The following PPM1E variants were observed in gnomAD, a reference collection of about 807,000 sequenced individuals.
The protein encoded by PPM1E is protein phosphatase 1E.
A neutral mutation model predicts 65.9 loss-of-function variants in PPM1E; 20 were observed. The observed-to-expected ratio is 0.30, with a 90% CI of 0.21 to 0.44. The LOEUF is 0.44. PPM1E is among the 20% of genes least tolerant of loss of function. The probability of loss-of-function intolerance (pLI) is 1.00; values close to 1 mark genes in which losing one functional copy is unlikely to be tolerated. For synonymous variants in PPM1E, 352 were observed against 374.9 expected (o/e 0.94, Z 0.70); for missense variants, 713 against 953.1 (o/e 0.75, Z 3.32).
At chr17:58,875,775 A>G (rs2051120681) in intron 1 of PPM1E, among the ~76,000 whole-genome samples, 1 of 152,182 alleles carries the variant, frequency 6.6e-6, no homozygotes, top group Non-Finnish European at 1.5e-5. Context: ...AGTTCTAATC[A>G]TTACTAACAC....
intron 1 of PPM1E, among the ~76,000 whole-genome samples, chr17:58,808,721 A>T (rs1030781204): frequency 6.6e-6 from 1 of 152,214 alleles, no homozygotes; most frequent in Non-Finnish European, 1.5e-5. Flanking sequence ...GAGTTGTGCA[A>T]TGATCACTAC....
chr17:58,793,194 C>T (rs896249227), intron 1 of PPM1E, among the ~76,000 whole-genome samples: 17 of 151,812 alleles, frequency 1.1e-4, no homozygotes, highest in Non-Finnish European at 1.5e-4. Flanking sequence ...ATCTTTTAAC[C>T]TTGAATCTTT....
chr17:58,784,611 GC>G (rs1283936641), intron 1 of PPM1E, among the ~76,000 whole-genome samples: 3 of 149,314 alleles, frequency 2.0e-5, no homozygotes, highest in Admixed American at 6.7e-5. Context: ...TGCAGTCTCC[GC>G]CTCCCGGGTT....
chr17:58,911,130 G>A (rs2051623128), intron 1 of PPM1E, among the ~76,000 whole-genome samples: 1 of 152,166 alleles, frequency 6.6e-6, no homozygotes, highest in Non-Finnish European at 1.5e-5. Context: ...TTCCTATGGA[G>A]GTGTCTGATG....
At chr17:58,945,765 A>G (rs987130985) in intron 1 of PPM1E, among the ~76,000 whole-genome samples, 1 of 152,206 alleles carries the variant, frequency 6.6e-6, no homozygotes, top group East Asian at 1.9e-4. Context: ...GGTTTGTGAA[A>G]GGATATTATA....
chr17:58,809,097 A>G (rs1226683949), intron 1 of PPM1E, among the ~76,000 whole-genome samples: 1 of 149,836 alleles, frequency 6.7e-6, no homozygotes, highest in Non-Finnish European at 1.5e-5. Context: ...AAGATTAACA[A>G]TTTTTTTTTT....
intron 1 of PPM1E, among the ~76,000 whole-genome samples, chr17:58,767,085 C>T (rs953438693): frequency 6.6e-6 from 1 of 152,128 alleles, no homozygotes; most frequent in African/African-American, 2.4e-5. Flanking sequence ...TAAGAGTTAA[C>T]AGTGTAAACT....
intron 1 of PPM1E, among the ~76,000 whole-genome samples, chr17:58,795,098 G>A (rs1201625721): frequency 6.6e-6 from 1 of 151,862 alleles, no homozygotes; most frequent in Non-Finnish European, 1.5e-5. Context: ...CACCGTGTTG[G>A]TCAGGCTGGT....
intron 1 of PPM1E, among the ~76,000 whole-genome samples, chr17:58,805,990 C>A (rs200977160): frequency 0.23 from 15,016 of 66,626 alleles, 971 homozygotes; most frequent in Non-Finnish European, 0.26. Flanking sequence ...AAAAACAAAA[C>A]AAAACAAAAC....
intron 1 of PPM1E, among the ~76,000 whole-genome samples, chr17:58,802,362 G>A (rs1438344314): frequency 6.6e-6 from 1 of 152,020 alleles, no homozygotes; most frequent in African/African-American, 2.4e-5. Flanking sequence ...GTTTCTTTCT[G>A]GGCTTTCTAT....
chr17:58,859,578 CCA>C (rs1415599663), intron 1 of PPM1E, among the ~76,000 whole-genome samples: 4 of 152,098 alleles, frequency 2.6e-5, no homozygotes, highest in African/African-American at 9.7e-5. Flanking sequence ...AGAGTATAGG[CCA>C]CATTTAGAGG....
intron 1 of PPM1E, among the ~76,000 whole-genome samples, chr17:58,799,405 C>T (rs1032261013): frequency 1.3e-5 from 2 of 151,360 alleles, no homozygotes; most frequent in Admixed American, 6.6e-5. Flanking sequence ...TCGGTCCCCC[C>T]TGAGCAGCTG....
intron 1 of PPM1E, among the ~76,000 whole-genome samples, chr17:58,809,410 TGA>T (rs1198708308): frequency 1.3e-5 from 2 of 152,036 alleles, no homozygotes; most frequent in Non-Finnish European, 1.5e-5. Context: ...ATTTTTTTTT[TGA>T]GATAGGGTCT....
intron 1 of PPM1E, among the ~76,000 whole-genome samples, chr17:58,813,912 A>C (rs1237018540): frequency 6.6e-6 from 1 of 152,188 alleles, no homozygotes; most frequent in Non-Finnish European, 1.5e-5. Flanking sequence ...AGTCCAACTC[A>C]GTGGGTGTTT....
rs1228086316 is a variant in PPM1E, at chr17:58,985,131, G to A, written c.*4100G>A. 6.6e-6 allele frequency: 1 copy of A among 152,624 alleles called. No individual in the cohort carries two copies. The highest frequency in any genetic ancestry group is 1.9e-4 in the East Asian group (1 of 5,194). 9.5% of individuals were successfully genotyped at this position (152,624 alleles called of 1,614,324 possible). ...AAGTGTTCATTCAGGTAAGGTGTATGTTGAAATTTTGCCAATTATCTTAAT... is the reference window on the plus strand; with the variant it reads ...AAGTGTTCATTCAGGTAAGGTGTATATTGAAATTTTGCCAATTATCTTAAT... On this transcript the variant is annotated 3_prime_UTR_variant, in exon 7 of 7. Transcript: ENST00000308249.
intron 1 of PPM1E, among the ~76,000 whole-genome samples, chr17:58,906,589 C>T (rs997611006): frequency 1.3e-5 from 2 of 152,188 alleles, no homozygotes; most frequent in African/African-American, 4.8e-5. Flanking sequence ...CTGTCCACCT[C>T]AGCCTCTCAA....
chr17:58,923,319 A>T (rs895958048), intron 1 of PPM1E, among the ~76,000 whole-genome samples: 14 of 150,488 alleles, frequency 9.3e-5, no homozygotes, highest in African/African-American at 3.4e-4. Context: ...AAGAAAAGAA[A>T]ATATTAGGTG....
chr17:58,934,323 A>C (rs995767956), intron 1 of PPM1E, among the ~76,000 whole-genome samples: 1 of 152,188 alleles, frequency 6.6e-6, no homozygotes, highest in Non-Finnish European at 1.5e-5. Context: ...AGTTATGTAA[A>C]GCTATTTACT....
intron 1 of PPM1E, among the ~76,000 whole-genome samples, chr17:58,879,950 A>T (rs762696588): frequency 5.9e-5 from 9 of 152,216 alleles, no homozygotes; most frequent in Non-Finnish European, 1.2e-4. Context: ...GACATAAGAC[A>T]TTAACAGGAG....
Sources: allele counts gnomAD v4.1 joint callset (sites outside exome capture counted in the v4.1 genomes callset), GRCh38; gene constraint gnomAD v4.1.1; transcripts MANE v1.5; gene names NCBI Gene and HGNC (gene_info 2026-07-23, HGNC 2026-07-21).